The following NRXN2 variants were observed in gnomAD, a reference collection of about 807,000 sequenced individuals.
NRXN2 encodes neurexin 2.
A neutral mutation model predicts 128.8 loss-of-function variants in NRXN2; 29 were observed. The ratio of observed to expected loss-of-function variants is 0.23; its 90% confidence interval spans 0.17 to 0.31. The LOEUF (loss-of-function observed/expected upper bound fraction) is 0.31, where lower values mean the gene tolerates loss of function less well. Ranked by LOEUF, NRXN2 falls within the 10% of genes least tolerant of loss-of-function variation. The pLI is 1.00. For synonymous variants in NRXN2, 1,098 were observed against 1,075.2 expected, an observed-to-expected ratio of 1.02 and a Z score of -0.41; for missense variants, 1,881 against 2,452.6, an observed-to-expected ratio of 0.77 and a Z score of 4.92.
At chr11:64,704,663 G>GAA (rs2056018881) in intron 2 of NRXN2, among the ~76,000 whole-genome samples, 1 of 144,578 alleles carries the variant, frequency 6.9e-6, no homozygotes, top group South Asian at 2.2e-4. Context: ...GAGAGAGAGA[G>GAA]AGAGAGAGAT....
At chr11:64,662,434 C>T (rs2049164764) in intron 9 of NRXN2, among the ~76,000 whole-genome samples, 1 of 152,168 alleles carries the variant, frequency 6.6e-6, no homozygotes, top group African/African-American at 2.4e-5. Context: ...TTTTATTCTA[C>T]TTGTATTTTT....
At position 64,648,126 on chromosome 11, in the gene NRXN2, TGC is replaced by T. The variant is rs2046966363; in HGVS notation, c.3403+91_3403+92del. ...AGGAAGAAGCAGCACAGCTCCTGAA[TGC>T]TCAGAGGCCCTGTTTCCTCCCTGGC... On this transcript the variant is annotated intron_variant, in intron 17 of 22. Transcript: ENST00000265459. This position sits in a 1 kb window ranked among gnomAD's most constrained non-coding sequence, Gnocchi z 4.1. 6.4e-6 allele frequency: 10 copies of T among 1,557,966 alleles called. No individual in the cohort carries two copies. Among genetic ancestry groups the T allele is most frequent in the Non-Finnish European group, 7.1e-6 (8 of 1,133,540 alleles).
chr11:64,705,710 C>T (rs2095242694), intron 2 of NRXN2, among the ~76,000 whole-genome samples: 1 of 151,958 alleles, frequency 6.6e-6, no homozygotes, highest in Non-Finnish European at 1.5e-5. Context: ...TCAAGAGGCA[C>T]CACCACTTAA....
In NRXN2 at chr11:64,660,438, C is replaced by T. The variant is rs1405085921; in HGVS notation, c.2283G>A (p.Met761Ile). 3.6e-5 allele frequency: 58 copies of T among 1,614,070 alleles called. No homozygotes were observed. Among genetic ancestry groups the T allele is most frequent in the Non-Finnish European group, 4.8e-5 (57 of 1,180,046 alleles). The change falls in exon 11 of 23, where the codon ATG (methionine) becomes ATA (isoleucine). Residue 761 changes from methionine to isoleucine, a missense_variant. By Grantham distance (10) the Met-to-Ile change is conservative. Transcript: ENST00000265459. This position sits in a 1 kb window ranked among gnomAD's most constrained non-coding sequence, Gnocchi z 5.2. The part of the protein sequence containing the change: ...TEAEDVSLRF[M>I]SQRAYGLMMA... ...TCATGAGTCCGTAGGCCCGCTGGGA[C>T]ATGAAACGCAGGGACACATCCTCTG...
rs1424984923 is a variant in NRXN2 at position 64,632,378 on chromosome 11, T to A, written c.3586-1805A>T. 1.3e-5 allele frequency among the ~76,000 whole-genome samples: 2 copies of A among 152,116 alleles called. No individual in the cohort carries two copies. Among genetic ancestry groups the A allele is most frequent in the African/African-American group, 4.8e-5 (2 of 41,418 alleles). On this transcript the variant is annotated intron_variant, in intron 18 of 22. Transcript: ENST00000265459. This position sits in a 1 kb window ranked among gnomAD's most constrained non-coding sequence, Gnocchi z 4.2. The stretch of plus-strand genomic sequence containing the variant: ...GGCTGGGCTTGCCTAACAAAGAGTA[T>A]TAGCAAGCCCCACCCATTCACCACC...
At chr11:64,666,946 T>A (rs2049955464) in intron 9 of NRXN2, among the ~76,000 whole-genome samples, 1 of 152,018 alleles carries the variant, frequency 6.6e-6, no homozygotes, top group East Asian at 1.9e-4. Flanking sequence ...GCTCTTATTT[T>A]CTCCTCTCGA....
chr11:64,668,392 G>A, intron 8 of NRXN2, 51 bp downstream of exon 8: 1 of 1,607,224 alleles, frequency 6.2e-7, no homozygotes, highest in Non-Finnish European at 8.5e-7. Context: ...GCTGAAGACA[G>A]GAGACAAAGG....
At chr11:64,674,427 G>A (rs1247902044) in intron 7 of NRXN2, among the ~76,000 whole-genome samples, 1 of 152,070 alleles carries the variant, frequency 6.6e-6, no homozygotes, top group Non-Finnish European at 1.5e-5. Flanking sequence ...CCTGGACTCA[G>A]GTGATCCACC....
intron 11 of NRXN2, chr11:64,655,956 G>C (rs564479408): frequency 6.6e-6 from 1 of 152,400 alleles, no homozygotes; most frequent in East Asian, 1.9e-4. Context: ...TCGTGGCACA[G>C]ACCCACGAAG....
At chr11:64,663,342 G>A (rs1464087522) in intron 9 of NRXN2, among the ~76,000 whole-genome samples, 3 of 151,288 alleles carry the variant, frequency 2.0e-5, no homozygotes, top group Non-Finnish European at 4.4e-5. Flanking sequence ...ACTCCAGCCT[G>A]GCAGCCTGGG....
Position 64,623,148 on chromosome 11 carries a change from AAAG to A in NRXN2, c.3848-73_3848-71del. On this transcript the variant is annotated intron_variant, in intron 20 of 22. Transcript: ENST00000265459. The surrounding 1 kb of genome is among the most constrained non-coding windows in gnomAD (Gnocchi z 4.9). ...GGGGAGACCAGGAAGGGAAGGAAGA[AAAG>A]AAGGAAGCCAAGGAGAGGAAAGAGG... 1 of 1,527,756 alleles carries A rather than the reference AAAG, an allele frequency of 6.5e-7. No individual in the cohort carries two copies. Among genetic ancestry groups the A allele is most frequent in the Admixed American group, 2.0e-5 (1 of 49,324 alleles). The allele number at this position is 1,527,756 out of a possible 1,614,324, so 94.6% of individuals were successfully genotyped here.
At position 64,606,632 on chromosome 11, in the gene NRXN2, C is replaced by A. The variant is rs1240304249; in HGVS notation, c.*564G>T. ...CACCCACCCACTGGGCCACTCGGGC[C>A]CACCCTCCCGCCCTTCTCCCACCGA... On this transcript the variant is annotated 3_prime_UTR_variant, in exon 23 of 23. Transcript: ENST00000265459. 1 of 59,474 alleles carries A rather than the reference C, an allele frequency of 1.7e-5. No individual in the cohort carries two copies. The highest frequency in any genetic ancestry group is 3.3e-5 in the Non-Finnish European group (1 of 30,230). 3.7% of individuals were successfully genotyped at this position (59,474 alleles called of 1,614,324 possible). A position where few individuals can be genotyped will look rare whatever the true frequency, so the allele number is the denominator to read the frequency against.
intron 22 of NRXN2, among the ~76,000 whole-genome samples, chr11:64,611,058 C>A (rs1469783138): frequency 2.6e-5 from 4 of 152,240 alleles, no homozygotes; most frequent in African/African-American, 9.6e-5. Flanking sequence ...GTACTCACTG[C>A]CAGGGAAGGG....
intron 6 of NRXN2, among the ~76,000 whole-genome samples, chr11:64,678,674 A>C (rs1003884677): frequency 6.6e-6 from 1 of 152,122 alleles, no homozygotes; most frequent in African/African-American, 2.4e-5. Flanking sequence ...CACCTTCCAA[A>C]TTACCCCTGT....
At chr11:64,721,399 C>A (rs1048261704) in intron 1 of NRXN2, among the ~76,000 whole-genome samples, 1 of 151,974 alleles carries the variant, frequency 6.6e-6, no homozygotes, top group Non-Finnish European at 1.5e-5. Flanking sequence ...TGGTCCATCC[C>A]GCCCACCCCT....
intron 9 of NRXN2, among the ~76,000 whole-genome samples, chr11:64,666,443 C>A (rs1290936685): frequency 6.6e-6 from 1 of 152,026 alleles, no homozygotes; most frequent in African/African-American, 2.4e-5. Flanking sequence ...CTCAAATGAT[C>A]CACCCACTTC....
At chr11:64,609,209 T>C (rs1159618666) in intron 22 of NRXN2, among the ~76,000 whole-genome samples, 1 of 151,900 alleles carries the variant, frequency 6.6e-6, no homozygotes, top group East Asian at 1.9e-4. Context: ...ACTCCCCAAC[T>C]TTCTCATTCT....
chr11:64,632,307 A>G lies in NRXN2; in HGVS notation c.3586-1734T>C, dbSNP rs1806297508. 6.6e-6 allele frequency among the ~76,000 whole-genome samples: 1 copy of G among 152,184 alleles called. No homozygotes were observed. Among genetic ancestry groups the G allele is most frequent in the Admixed American group, 6.5e-5 (1 of 15,284 alleles). The stretch of plus-strand genomic sequence containing the variant: ...CACAGATGCATGCACACAGTCATAC[A>G]TGCATGCAGCCTCTCTCCTCAGATG... On this transcript the variant is annotated intron_variant, in intron 18 of 22. Coordinates refer to ENST00000265459, the MANE Select transcript of NRXN2 (RefSeq NM_015080.4). This position sits in a 1 kb window ranked among gnomAD's most constrained non-coding sequence, Gnocchi z 4.2.
rs2048899232 is a variant in NRXN2 at position 64,660,660 on chromosome 11, G to A, written c.2185+93C>T. The A allele has an allele frequency of 1.9e-6, 3 of 1,593,528 alleles. No individual in the cohort carries two copies. Among genetic ancestry groups the A allele is most frequent in the African/African-American group, 1.3e-5 (1 of 74,688 alleles). ...GGTCTATGAGGGGTTCCCCTAGGAG[G>A]AGGTGGCACAGGGATGGAAAGTAGG... On this transcript the variant is annotated intron_variant, in intron 10 of 22. Transcript: ENST00000265459. The surrounding 1 kb of genome is among the most constrained non-coding windows in gnomAD (Gnocchi z 5.2).
Sources: gnomAD v4.1 joint callset for allele counts (sites outside exome capture counted in the v4.1 genomes callset) on GRCh38, gnomAD v4.1.1 for gene constraint, Gnocchi (gnomAD v3.1) non-coding constraint, MANE v1.5 for transcripts, NCBI Gene and HGNC (gene_info 2026-07-23, HGNC 2026-07-21) for gene names.